FARP1: variants seen among roughly 807,000 people sequenced by gnomAD.
The protein encoded by FARP1 is FERM, ARH/RhoGEF and pleckstrin domain protein 1.
A neutral mutation model predicts 128.8 loss-of-function variants in FARP1; 52 were observed. The ratio of observed to expected loss-of-function variants is 0.40; its 90% confidence interval spans 0.32 to 0.51. The LOEUF (loss-of-function observed/expected upper bound fraction) is 0.51. Among genes scored for constraint, FARP1 ranks in the 20% least tolerant of loss-of-function variants. The pLI is 0.45. For synonymous variants in FARP1, 580 were observed against 551.8 expected (o/e 1.05, Z -0.72); for missense variants, 1,333 against 1,367.9 (o/e 0.97, Z 0.40).
intron 3 of FARP1, among the ~76,000 whole-genome samples, chr13:98,356,363 T>C (rs931839323): frequency 1.8e-4 from 27 of 152,212 alleles, no homozygotes; most frequent in African/African-American, 6.5e-4. Flanking sequence ...AATAGGCAAT[T>C]ATAATGGTAA....
chr13:98,401,012 C>T (rs1890740424), intron 13 of FARP1: 1 of 152,146 alleles, frequency 6.6e-6, no homozygotes, highest in African/African-American at 2.4e-5. Flanking sequence ...AAATTACAAC[C>T]TCAGGCATAA....
intron 2 of FARP1, among the ~76,000 whole-genome samples, chr13:98,340,215 CTGGTCAGATAAT>C (rs1268088676): frequency 6.6e-6 from 1 of 151,992 alleles, no homozygotes; most frequent in Non-Finnish European, 1.5e-5. Context: ...TGCTTGCCAG[CTGGTCAGATAAT>C]TGGTGGTTTA....
intron 2 of FARP1, among the ~76,000 whole-genome samples, chr13:98,275,179 A>G (rs189849115): frequency 6.6e-6 from 1 of 152,292 alleles, no homozygotes; most frequent in East Asian, 1.9e-4. Context: ...TTAATGCCTT[A>G]ACTTAAACTC....
At chr13:98,380,662 C>G (rs1041370742) in intron 6 of FARP1, among the ~76,000 whole-genome samples, 3 of 152,076 alleles carry the variant, frequency 2.0e-5, no homozygotes, top group African/African-American at 7.2e-5. Flanking sequence ...CAGCCTCGAC[C>G]TCCTGGAATC....
chr13:98,217,903 T>C (rs1166150712), intron 2 of FARP1, among the ~76,000 whole-genome samples: 8 of 152,190 alleles, frequency 5.3e-5, no homozygotes, highest in African/African-American at 9.7e-5. Context: ...GAGTTGGTGC[T>C]GTCCTAGCAT....
intron 2 of FARP1, among the ~76,000 whole-genome samples, chr13:98,284,106 A>G (rs141939534): frequency 9.2e-5 from 14 of 152,316 alleles, no homozygotes; most frequent in African/African-American, 3.1e-4. Context: ...TCCAACGCCC[A>G]TGGCCCAGGA....
intron 24 of FARP1, chr13:98,445,512 C>T (rs1892771857): frequency 6.6e-6 from 1 of 152,314 alleles, no homozygotes; most frequent in African/African-American, 2.4e-5. Flanking sequence ...TCCTGGGCCA[C>T]TAGAGGGCAT....
At chr13:98,413,770 T>C (rs567097469) in intron 16 of FARP1, among the ~76,000 whole-genome samples, 36 of 152,366 alleles carry the variant, frequency 2.4e-4, no homozygotes, top group African/African-American at 7.2e-4. Flanking sequence ...AGTTGAATGA[T>C]GCTCTCATAA....
intron 2 of FARP1, among the ~76,000 whole-genome samples, chr13:98,266,807 T>C (rs1296164631): frequency 6.6e-6 from 1 of 151,596 alleles, no homozygotes; most frequent in Non-Finnish European, 1.5e-5. Flanking sequence ...AGGTCAGGAG[T>C]TCGAGACCAG....
Position 98,384,712 on chromosome 13 carries a change from C to G in FARP1, c.497-18C>G. The stretch of plus-strand genomic sequence containing the variant: ...TGTCATTCCTACGTGACCTGTTTTT[C>G]TTTCTGTTTCTTTTTAGCTGAGATT... On this transcript the variant is annotated intron_variant, in intron 6 of 26. Coordinates refer to ENST00000319562, the MANE Select transcript of FARP1 (RefSeq NM_005766.4). The G allele has an allele frequency of 6.6e-7, 1 of 1,526,128 alleles. No homozygotes were observed. The allele number at this position is 1,526,128 out of a possible 1,614,324, so 94.5% of individuals were successfully genotyped here.
chr13:98,175,226 G>A (rs1877919987), intron 1 of FARP1, among the ~76,000 whole-genome samples: 1 of 152,190 alleles, frequency 6.6e-6, no homozygotes, highest in Admixed American at 6.5e-5. Context: ...TACATAATCT[G>A]TGTCAGTTCC....
At chr13:98,443,627 C>T (rs1046231801) in intron 24 of FARP1, among the ~76,000 whole-genome samples, 4 of 152,206 alleles carry the variant, frequency 2.6e-5, no homozygotes, top group Non-Finnish European at 4.4e-5. Flanking sequence ...CGTGTGGCCT[C>T]ACTGGCCTCT....
intron 8 of FARP1, among the ~76,000 whole-genome samples, chr13:98,387,522 C>T (rs1389557215): frequency 6.6e-6 from 1 of 152,166 alleles, no homozygotes; most frequent in Non-Finnish European, 1.5e-5. Context: ...CTTGCCAGTG[C>T]CCTATTGCTT....
At chr13:98,239,862 A>G (rs368593182) in intron 2 of FARP1, among the ~76,000 whole-genome samples, 1 of 152,084 alleles carries the variant, frequency 6.6e-6, no homozygotes, top group South Asian at 2.1e-4. Flanking sequence ...AGACTGTGCT[A>G]GAGGAGAGAG....
intron 2 of FARP1, among the ~76,000 whole-genome samples, chr13:98,259,986 C>T (rs975496728): frequency 6.7e-6 from 1 of 149,438 alleles, no homozygotes; most frequent in African/African-American, 2.5e-5. Flanking sequence ...ACAAGGGAAT[C>T]GGAATAATTG....
intron 2 of FARP1, among the ~76,000 whole-genome samples, chr13:98,216,032 G>T: frequency 6.6e-6 from 1 of 152,178 alleles, no homozygotes; most frequent in South Asian, 2.1e-4. Flanking sequence ...CTCGTGATCC[G>T]TCCGCCTTGG....
intron 3 of FARP1, among the ~76,000 whole-genome samples, chr13:98,351,875 C>T (rs1187506074): frequency 2.0e-5 from 3 of 152,090 alleles, no homozygotes; most frequent in Non-Finnish European, 4.4e-5. Context: ...GGGACCCGTC[C>T]CCGTGAACCA....
intron 1 of FARP1, 114 bp downstream of exon 1, chr13:98,143,606 G>C (rs1238004213): frequency 6.6e-6 from 1 of 150,778 alleles, no homozygotes; most frequent in African/African-American, 2.4e-5. Context: ...GGCCGCGGCT[G>C]CGGGCGAAGG....
chr13:98,431,555 G>C, intron 18 of FARP1: 2 of 251,610 alleles, frequency 7.9e-6, no homozygotes, highest in East Asian at 1.7e-4. Context: ...TCCACCTCCC[G>C]GGTTCAAGCG....
Sources: allele counts gnomAD v4.1 joint callset (sites outside exome capture counted in the v4.1 genomes callset), GRCh38; gene constraint gnomAD v4.1.1; transcripts MANE v1.5; gene names NCBI Gene and HGNC (gene_info 2026-07-23, HGNC 2026-07-21).